The following MACROD2 variants were observed in gnomAD, a reference collection of about 807,000 sequenced individuals.
The protein encoded by MACROD2 is mono-ADP ribosylhydrolase 2.
In MACROD2, 36 loss-of-function variants were observed where a neutral mutation model predicts 70.4. That is an observed-to-expected ratio of 0.51 (90% confidence interval 0.39 to 0.68). MACROD2 has a LOEUF of 0.68. Among genes scored for constraint, MACROD2 ranks in the 30% least tolerant of loss-of-function variants. MACROD2 has a pLI of 0.00. For synonymous variants in MACROD2, 172 were observed against 178.8 expected (o/e 0.96, Z 0.30); for missense variants, 496 against 538.4 (o/e 0.92, Z 0.78).
chr20:14,145,224 T>G (rs1230369019), intron 3 of MACROD2, among the ~76,000 whole-genome samples: 1 of 152,210 alleles, frequency 6.6e-6, no homozygotes, highest in African/African-American at 2.4e-5. Context: ...CCACAGTTTT[T>G]TTGTATTAAC....
intron 8 of MACROD2, among the ~76,000 whole-genome samples, chr20:15,612,743 G>A (rs898323835): frequency 4.6e-5 from 7 of 152,198 alleles, no homozygotes; most frequent in Non-Finnish European, 1.0e-4. Flanking sequence ...TCTGTAGAAT[G>A]TGCCTCTGGG....
chr20:15,930,474 C>T (rs1188673505), intron 10 of MACROD2, among the ~76,000 whole-genome samples: 5 of 152,188 alleles, frequency 3.3e-5, no homozygotes. Context: ...AAGCCTTCTA[C>T]ATTGGTTCCC....
chr20:14,804,831 A>G (rs946242488), intron 5 of MACROD2, among the ~76,000 whole-genome samples: 2 of 151,602 alleles, frequency 1.3e-5, no homozygotes, highest in Non-Finnish European at 2.9e-5. Context: ...GATAGAATGT[A>G]AGAGAAGAGA....
At chr20:14,452,213 A>T (rs1219667121) in intron 3 of MACROD2, among the ~76,000 whole-genome samples, 1 of 152,000 alleles carries the variant, frequency 6.6e-6, no homozygotes, top group Non-Finnish European at 1.5e-5. Context: ...TAAGAAATTA[A>T]TTTTTTTCTT....
intron 8 of MACROD2, among the ~76,000 whole-genome samples, chr20:15,825,490 T>TC (rs1282007330): frequency 6.6e-6 from 1 of 151,426 alleles, no homozygotes. Context: ...TAAAATGGTT[T>TC]TTTTTTGTTG....
chr20:15,120,924 G>A (rs1424497803), intron 5 of MACROD2, among the ~76,000 whole-genome samples: 2 of 152,140 alleles, frequency 1.3e-5, no homozygotes, highest in African/African-American at 4.8e-5. Context: ...GTCGTTTGCT[G>A]TCAACCATTA....
chr20:14,682,338 G>T (rs1328662852), intron 4 of MACROD2, among the ~76,000 whole-genome samples: 1 of 151,730 alleles, frequency 6.6e-6, no homozygotes. Context: ...CCCTTATACA[G>T]TAATCTCACC....
At chr20:14,959,695 T>C (rs1312292971) in intron 5 of MACROD2, among the ~76,000 whole-genome samples, 1 of 152,170 alleles carries the variant, frequency 6.6e-6, no homozygotes, top group Non-Finnish European at 1.5e-5. Context: ...CGTGGGGCCT[T>C]GTTGAGCAGT....
At chr20:14,166,816 T>A (rs1417026835) in intron 3 of MACROD2, among the ~76,000 whole-genome samples, 1 of 152,198 alleles carries the variant, frequency 6.6e-6, no homozygotes, top group African/African-American at 2.4e-5. Flanking sequence ...CATAATAGAT[T>A]TCCTTATAGC....
intron 4 of MACROD2, among the ~76,000 whole-genome samples, chr20:14,643,190 C>T (rs1368478977): frequency 6.6e-6 from 1 of 152,124 alleles, no homozygotes; most frequent in Non-Finnish European, 1.5e-5. Context: ...GTCATATCCC[C>T]CTCCATCCAT....
At position 15,704,142 on chromosome 20, in the gene MACROD2, T is replaced by TTATG. The variant is rs111424371; in HGVS notation, c.646-158600_646-158599insGTAT. ...TTTCCTATTTGAAATGTTTGTTTGTTTATTTATTTATTTATTTATTTATTT... is the reference window on the plus strand; with the variant it reads ...TTTCCTATTTGAAATGTTTGTTTGTTTATGTATTTATTTATTTATTTATTTATTT... On this transcript the variant is annotated intron_variant, in intron 8 of 17. Coordinates refer to ENST00000684519, the MANE Select transcript of MACROD2 (RefSeq NM_001351661.2). 3.1e-3 allele frequency among the ~76,000 whole-genome samples: 457 copies of TTATG among 148,148 alleles called. 3 individuals are homozygous for TTATG. Among genetic ancestry groups the TTATG allele is most frequent in the African/African-American group, 0.011 (426 of 38,886 alleles).
intron 5 of MACROD2, among the ~76,000 whole-genome samples, chr20:14,879,738 G>C (rs1361665452): frequency 2.6e-5 from 4 of 152,086 alleles, no homozygotes; most frequent in African/African-American, 9.7e-5. Flanking sequence ...TGGTCATTGT[G>C]CTTCTCTCTT....
intron 3 of MACROD2, among the ~76,000 whole-genome samples, chr20:14,459,490 G>A (rs777301771): frequency 2.0e-5 from 3 of 151,774 alleles, no homozygotes; most frequent in Non-Finnish European, 4.4e-5. Flanking sequence ...AAATATTATG[G>A]CATATAAACA....
intron 6 of MACROD2, among the ~76,000 whole-genome samples, chr20:15,327,149 C>T (rs1301794983): frequency 2.0e-5 from 3 of 152,190 alleles, no homozygotes; most frequent in Admixed American, 1.3e-4. Context: ...CACTCACGGG[C>T]ATGTATGATT....
intron 4 of MACROD2, among the ~76,000 whole-genome samples, chr20:14,543,858 C>G (rs1415731374): frequency 6.6e-6 from 1 of 152,172 alleles, no homozygotes; most frequent in East Asian, 1.9e-4. Flanking sequence ...TAACATTTCT[C>G]TTTCCTATCA....
intron 3 of MACROD2, among the ~76,000 whole-genome samples, chr20:14,292,646 T>C (rs1462186955): frequency 1.3e-5 from 2 of 151,906 alleles, no homozygotes; most frequent in Non-Finnish European, 2.9e-5. Flanking sequence ...TGTTTTGTTT[T>C]GTTTTGAGAT....
intron 3 of MACROD2, among the ~76,000 whole-genome samples, chr20:14,367,184 T>C (rs546569315): frequency 1.3e-5 from 2 of 152,184 alleles, no homozygotes; most frequent in Non-Finnish European, 2.9e-5. Context: ...TTCTATACAG[T>C]TCTCTCCTCA....
At chr20:14,821,238 T>G (rs561251112) in intron 5 of MACROD2, among the ~76,000 whole-genome samples, 8 of 152,194 alleles carry the variant, frequency 5.3e-5, no homozygotes, top group African/African-American at 1.9e-4. Flanking sequence ...ATGAGCATAA[T>G]TGGGTTAATA....
At chr20:15,321,993 A>C (rs1409306029) in intron 6 of MACROD2, among the ~76,000 whole-genome samples, 1 of 143,528 alleles carries the variant, frequency 7.0e-6, no homozygotes, top group East Asian at 2.0e-4. Flanking sequence ...GGTATTCACC[A>C]TGTTGGCCAG....
Sources: gnomAD v4.1 joint callset for allele counts (sites outside exome capture counted in the v4.1 genomes callset) on GRCh38, gnomAD v4.1.1 for gene constraint, MANE v1.5 for transcripts, NCBI Gene and HGNC (gene_info 2026-07-23, HGNC 2026-07-21) for gene names.